The following CORIN variants were observed in gnomAD, a reference collection of about 807,000 sequenced individuals.
The protein encoded by CORIN is atrial natriuretic peptide-converting enzyme.
In CORIN, 117 loss-of-function variants were observed where a neutral mutation model predicts 125.3. The ratio of observed to expected loss-of-function variants is 0.93; its 90% CI spans 0.80 to 1.09. The LOEUF (loss-of-function observed/expected upper bound fraction) is 1.09, where lower values mean the gene tolerates loss of function less well. Ranked by LOEUF, CORIN falls within the 50% of genes least tolerant of loss-of-function variation. CORIN has a pLI of 0.00. For synonymous variants in CORIN, 450 were observed against 466.4 expected (o/e 0.96, Z 0.45); for missense variants, 1,253 against 1,306.7 (o/e 0.96, Z 0.63).
chr4:47,650,235 G>A (rs1191724868), intron 13 of CORIN, among the ~76,000 whole-genome samples: 1 of 152,170 alleles, frequency 6.6e-6, no homozygotes, highest in African/African-American at 2.4e-5. Context: ...TAAACAGAAA[G>A]TCACTTAATG....
At chr4:47,712,268 T>C (rs977018938) in intron 5 of CORIN, among the ~76,000 whole-genome samples, 5 of 152,162 alleles carry the variant, frequency 3.3e-5, no homozygotes, top group African/African-American at 9.7e-5. Flanking sequence ...TATAATGTCA[T>C]ATATATTGAC....
At chr4:47,704,943 G>C (rs1326141663) in intron 5 of CORIN, among the ~76,000 whole-genome samples, 8 of 152,194 alleles carry the variant, frequency 5.3e-5, no homozygotes. Context: ...GGCACACACA[G>C]GGAAGAATTC....
At chr4:47,602,336 T>A (rs1206963429) in intron 20 of CORIN, among the ~76,000 whole-genome samples, 1 of 152,006 alleles carries the variant, frequency 6.6e-6, no homozygotes, top group Non-Finnish European at 1.5e-5. Context: ...AATGAGAGAG[T>A]CCATTATAGG....
At chr4:47,810,179 T>C (rs766673545) in intron 1 of CORIN, among the ~76,000 whole-genome samples, 3 of 152,280 alleles carry the variant, frequency 2.0e-5, no homozygotes, top group Admixed American at 6.5e-5. Context: ...TGTTTGTTTG[T>C]TTGTTTTTGG....
chr4:47,768,391 C>T (rs1355896913), intron 3 of CORIN, among the ~76,000 whole-genome samples: 3 of 152,162 alleles, frequency 2.0e-5, no homozygotes, highest in African/African-American at 7.2e-5. Flanking sequence ...ATTAATTCCA[C>T]AAAACATTTA....
At chr4:47,598,780 T>C (rs921814630) in intron 21 of CORIN, among the ~76,000 whole-genome samples, 1 of 152,174 alleles carries the variant, frequency 6.6e-6, no homozygotes, top group African/African-American at 2.4e-5. Flanking sequence ...ATGGGTTGAT[T>C]GTGATAATTA....
In CORIN at chr4:47,595,862, T is replaced by C. The variant is rs1288882753; in HGVS notation, c.2988A>G (p.Gly996=). The stretch of plus-strand genomic sequence containing the variant: ...AAGTTAATCCAAATAATGTCCACCG[T>C]CCTCCAGGCTTCTCACAAACAAGAG... ...GGPLVCEKPG[G]RWTLFGLTSW... is the part of the protein sequence containing the mutation. The change falls in exon 22 of 22, where the codon GGA becomes GGG. Residue 996 remains glycine (G), a synonymous_variant. Coordinates refer to ENST00000273857, the MANE Select transcript of CORIN (RefSeq NM_006587.4). 1 of 1,612,860 alleles carries C rather than the reference T, an allele frequency of 6.2e-7. No homozygotes were observed. Among genetic ancestry groups the C allele is most frequent in the Non-Finnish European group, 8.5e-7 (1 of 1,179,678 alleles).
intron 3 of CORIN, 74 bp downstream of exon 3, chr4:47,786,651 G>T: frequency 1.8e-6 from 2 of 1,138,858 alleles, no homozygotes; most frequent in Non-Finnish European, 2.6e-6. Context: ...TGAACTAAAA[G>T]CATTGGTTGC....
At chr4:47,645,448 C>T (rs1162410752) in intron 13 of CORIN, among the ~76,000 whole-genome samples, 1 of 140,762 alleles carries the variant, frequency 7.1e-6, no homozygotes, top group Non-Finnish European at 1.5e-5. Context: ...GAGACTTTGT[C>T]TCAAAAAAAA....
chr4:47,752,505 A>G (rs1421555041), intron 4 of CORIN, among the ~76,000 whole-genome samples: 1 of 152,054 alleles, frequency 6.6e-6, no homozygotes, highest in Non-Finnish European at 1.5e-5. Context: ...AGCTCACACT[A>G]CCCTGCCCAA....
At chr4:47,632,492 T>C (rs1408023063) in intron 16 of CORIN, 2 of 152,316 alleles carry the variant, frequency 1.3e-5, no homozygotes, top group African/African-American at 4.8e-5. Flanking sequence ...CTGAAAGTTA[T>C]TGTGTCAAGT....
intron 19 of CORIN, among the ~76,000 whole-genome samples, chr4:47,617,208 G>A (rs940473042): frequency 6.6e-6 from 1 of 152,208 alleles, no homozygotes; most frequent in African/African-American, 2.4e-5. Context: ...TATATTGAAA[G>A]TGTCTGATTG....
At chr4:47,725,602 C>A (rs1187393563) in intron 5 of CORIN, among the ~76,000 whole-genome samples, 1 of 152,020 alleles carries the variant, frequency 6.6e-6, no homozygotes, top group Non-Finnish European at 1.5e-5. Flanking sequence ...TTGACCTATA[C>A]CTTATACCTT....
chr4:47,810,549 C>A (rs1022691855), intron 1 of CORIN, among the ~76,000 whole-genome samples: 1 of 152,216 alleles, frequency 6.6e-6, no homozygotes, highest in African/African-American at 2.4e-5. Flanking sequence ...ATAATGTACA[C>A]TGGCACAGTG....
chr4:47,639,197 C>T (rs1016511399), intron 16 of CORIN, among the ~76,000 whole-genome samples: 2 of 152,110 alleles, frequency 1.3e-5, no homozygotes, highest in African/African-American at 2.4e-5. Flanking sequence ...ACTGAATGAA[C>T]GGATGAATGA....
chr4:47,687,831 G>A lies in CORIN; in HGVS notation c.914-3993C>T, dbSNP rs534102319. ...ACTGTTGCTCAGCTCATTTACAGCA[G>A]AACCATGAGAAGAACCAGGCTTCTT... On this transcript the variant is annotated intron_variant, in intron 6 of 21. Coordinates refer to ENST00000273857, the MANE Select transcript of CORIN (RefSeq NM_006587.4). Among the ~76,000 whole-genome samples, 4 of 152,292 alleles carry A rather than the reference G, an allele frequency of 2.6e-5. No individual in the cohort carries two copies. In the South Asian group the frequency reaches 8.3e-4, roughly 32 times the overall value.
intron 5 of CORIN, among the ~76,000 whole-genome samples, chr4:47,739,768 G>T (rs983879978): frequency 6.6e-6 from 1 of 151,814 alleles, no homozygotes; most frequent in African/African-American, 2.4e-5. Context: ...ATTATATAAA[G>T]ATGTAATTTG....
intron 1 of CORIN, among the ~76,000 whole-genome samples, chr4:47,824,171 A>G (rs1420717728): frequency 6.6e-6 from 1 of 151,766 alleles, no homozygotes; most frequent in African/African-American, 2.4e-5. Flanking sequence ...AAGGAGAATA[A>G]CAATACAAGA....
intron 1 of CORIN, among the ~76,000 whole-genome samples, chr4:47,825,068 A>G (rs1001225937): frequency 6.6e-6 from 1 of 152,184 alleles, no homozygotes; most frequent in African/African-American, 2.4e-5. Context: ...CAAATGAGGT[A>G]TTTTTAACTG....
Sources: gnomAD v4.1 joint callset for allele counts (sites outside exome capture counted in the v4.1 genomes callset) on GRCh38, gnomAD v4.1.1 for gene constraint, MANE v1.5 for transcripts, NCBI Gene and HGNC (gene_info 2026-07-23, HGNC 2026-07-21) for gene names.